LRMDA: variants seen among roughly 807,000 people sequenced by gnomAD.
LRMDA encodes the protein leucine rich melanocyte differentiation associated.
In LRMDA, 18 loss-of-function variants were observed where a neutral mutation model predicts 29.8. That is an observed-to-expected ratio of 0.60 (90% CI 0.42 to 0.90). The LOEUF (loss-of-function observed/expected upper bound fraction) is 0.90, where lower values mean the gene tolerates loss of function less well. Among genes scored for constraint, LRMDA ranks in the 40% least tolerant of loss-of-function variants. The pLI is 0.00. For missense variants in LRMDA, 273 were observed against 273.9 expected, an observed-to-expected ratio of 1.00 and a Z score of 0.02; for synonymous variants, 125 against 109.4, an observed-to-expected ratio of 1.14 and a Z score of -0.89.
chr10:76,302,072 T>C (rs1019949186), intron 5 of LRMDA, among the ~76,000 whole-genome samples: 1 of 152,220 alleles, frequency 6.6e-6, no homozygotes, highest in Non-Finnish European at 1.5e-5. Context: ...CGTTGTCTGA[T>C]GCATATTGAG....
Position 76,375,741 on chromosome 10 carries a change from G to T in LRMDA, c.601+51256G>T, listed in dbSNP as rs186505174. ...ATGCTGAATTTTTTTTTTTTTTTTC[G>T]GGGGGAGAGGATATTTGACTTGGTG... On this transcript the variant is annotated intron_variant, in intron 6 of 6. Coordinates refer to ENST00000611255, the MANE Select transcript of LRMDA (RefSeq NM_001305581.2). Among the ~76,000 whole-genome samples the T allele has an allele frequency of 2.2e-3, 255 of 118,030 alleles. 4 individuals are homozygous for T. The highest frequency in any genetic ancestry group is 8.7e-3 in the African/African-American group (239 of 27,558). 77.4% of individuals were successfully genotyped at this position (118,030 alleles called of 152,430 possible). A position where few individuals can be genotyped will look rare whatever the true frequency, so the allele number is the denominator to read the frequency against.
intron 6 of LRMDA, among the ~76,000 whole-genome samples, chr10:76,350,090 G>T (rs1467212785): frequency 6.6e-6 from 1 of 151,686 alleles, no homozygotes; most frequent in East Asian, 1.9e-4. Context: ...TTGTAAAAGG[G>T]TCCTTACATT....
intron 5 of LRMDA, among the ~76,000 whole-genome samples, chr10:76,137,027 C>T (rs1348083147): frequency 1.3e-5 from 2 of 152,170 alleles, no homozygotes; most frequent in African/African-American, 4.8e-5. Context: ...CTTAGGCCAC[C>T]TTACACCAAA....
At chr10:75,532,550 C>A (rs1235292998) in intron 2 of LRMDA, among the ~76,000 whole-genome samples, 2 of 152,164 alleles carry the variant, frequency 1.3e-5, no homozygotes, top group African/African-American at 4.8e-5. Context: ...GAGACATCCT[C>A]AGGTGTGCAT....
intron 5 of LRMDA, among the ~76,000 whole-genome samples, chr10:76,248,830 C>G (rs1564699663): frequency 6.6e-6 from 1 of 152,156 alleles, no homozygotes; most frequent in Non-Finnish European, 1.5e-5. Context: ...GTGGAAGGGC[C>G]TGTAATTATT....
intron 2 of LRMDA, among the ~76,000 whole-genome samples, chr10:76,029,005 C>T (rs899207117): frequency 2.0e-5 from 3 of 152,076 alleles, no homozygotes; most frequent in Admixed American, 6.5e-5. Flanking sequence ...TTAGTAGAGA[C>T]GAGGTTTCAC....
At chr10:76,306,916 T>C (rs115535100) in intron 5 of LRMDA, among the ~76,000 whole-genome samples, 1,840 of 152,282 alleles carry the variant, frequency 0.012, 33 homozygotes, top group African/African-American at 0.042. Flanking sequence ...TAATTAAATA[T>C]ACTGTATTAC....
At chr10:75,920,149 G>C (rs1362865997) in intron 2 of LRMDA, among the ~76,000 whole-genome samples, 1 of 151,988 alleles carries the variant, frequency 6.6e-6, no homozygotes, top group Non-Finnish European at 1.5e-5. Flanking sequence ...CATTGTTTTG[G>C]AAAGCCTCTT....
chr10:76,137,773 A>C (rs74365492), intron 5 of LRMDA, among the ~76,000 whole-genome samples: 7 of 90,064 alleles, frequency 7.8e-5, no homozygotes, highest in Non-Finnish European at 1.0e-4. Flanking sequence ...TCCCTATGGC[A>C]AAAAAAAAAA....
At position 75,814,561 on chromosome 10, in the gene LRMDA, T is replaced by C. The variant is rs1437589345; in HGVS notation, c.132-221447T>C. 2.0e-5 allele frequency among the ~76,000 whole-genome samples: 3 copies of C among 150,970 alleles called. No individual in the cohort carries two copies. The East Asian group carries it at 5.8e-4, about 29-fold the overall frequency. On this transcript the variant is annotated intron_variant, in intron 2 of 6. Coordinates refer to ENST00000611255, the MANE Select transcript of LRMDA (RefSeq NM_001305581.2). ...CTCAGCCATTCAGCAACATTTTCCC[T>C]TCCCCAGCCTTGGCCCCGCCACCTG...
intron 6 of LRMDA, among the ~76,000 whole-genome samples, chr10:76,386,435 A>T (rs903380888): frequency 2.0e-5 from 3 of 152,186 alleles, no homozygotes; most frequent in Non-Finnish European, 4.4e-5. Flanking sequence ...AGTTTGTTGG[A>T]CTAAAATGTG....
intron 2 of LRMDA, among the ~76,000 whole-genome samples, chr10:75,809,992 T>C (rs1030351398): frequency 2.6e-5 from 4 of 152,164 alleles, no homozygotes; most frequent in Non-Finnish European, 5.9e-5. Flanking sequence ...GTGGCTATGC[T>C]GGTTGCATTC....
chr10:75,965,738 T>C (rs1481195084), intron 2 of LRMDA, among the ~76,000 whole-genome samples: 1 of 152,238 alleles, frequency 6.6e-6, no homozygotes, highest in East Asian at 1.9e-4. Flanking sequence ...AGTAAGTCTT[T>C]AGGTAACTTC....
chr10:76,146,243 C>G (rs11001636), intron 5 of LRMDA, among the ~76,000 whole-genome samples: 82,308 of 151,432 alleles, frequency 0.54, 22,530 homozygotes, highest in South Asian at 0.61. Context: ...TCCTGGGTAT[C>G]CTTGTTGACT....
chr10:75,951,150 G>A (rs191790869), intron 2 of LRMDA, among the ~76,000 whole-genome samples: 1 of 152,342 alleles, frequency 6.6e-6, no homozygotes, highest in African/African-American at 2.4e-5. Flanking sequence ...GAGAGGTCCT[G>A]AGAAAGCTGA....
intron 2 of LRMDA, among the ~76,000 whole-genome samples, chr10:75,582,352 C>A (rs1343860954): frequency 1.1e-4 from 17 of 152,168 alleles, no homozygotes; most frequent in Non-Finnish European, 2.5e-4. Flanking sequence ...TCTCCCAAGC[C>A]CCAGCTCTTG....
In LRMDA at chr10:76,008,400, C is replaced by CTTT. The variant is rs556888742; in HGVS notation, c.132-27600_132-27598dup. 4.8e-3 allele frequency among the ~76,000 whole-genome samples: 711 copies of CTTT among 149,658 alleles called. 34 individuals carry two copies. In the East Asian group the frequency reaches 0.11, roughly 23 times the overall value. On this transcript the variant is annotated intron_variant, in intron 2 of 6. Coordinates refer to ENST00000611255, the MANE Select transcript of LRMDA (RefSeq NM_001305581.2). ...TTTTAAAGCCGCAGCAGTTTAAACA[C>CTTT]TTTTTTTTTTGCCTTTTTTGCCTGC...
chr10:76,463,421 A>G (rs1218929895), intron 6 of LRMDA, among the ~76,000 whole-genome samples: 2 of 152,214 alleles, frequency 1.3e-5, no homozygotes, highest in East Asian at 3.8e-4. Context: ...GGTTACCACT[A>G]GGATCTTGTG....
intron 2 of LRMDA, among the ~76,000 whole-genome samples, chr10:75,592,252 C>A (rs1204859432): frequency 2.0e-5 from 3 of 152,154 alleles, no homozygotes; most frequent in Non-Finnish European, 4.4e-5. Context: ...CCTGCCTCTG[C>A]CCGTCCCCAG....
Sources: allele counts gnomAD v4.1 joint callset (sites outside exome capture counted in the v4.1 genomes callset), GRCh38; gene constraint gnomAD v4.1.1; transcripts MANE v1.5; gene names NCBI Gene and HGNC (gene_info 2026-07-23, HGNC 2026-07-21).